Variants in SLC2A5 observed in about 807,000 individuals in gnomAD.
SLC2A5 encodes the protein solute carrier family 2, facilitated glucose transporter member 5.
In SLC2A5, 56 loss-of-function variants were observed where a neutral mutation model predicts 50.3. The ratio of observed to expected loss-of-function variants is 1.11; its 90% confidence interval spans 0.90 to 1.39. The LOEUF is 1.39. SLC2A5 is among the 40% of genes most tolerant of loss of function. The probability of loss-of-function intolerance (pLI) is 0.00; values close to 1 mark genes in which losing one functional copy is unlikely to be tolerated. For missense variants in SLC2A5, 566 were observed against 650.1 expected, an observed-to-expected ratio of 0.87 and a Z score of 1.41; for synonymous variants, 269 against 281.9, an observed-to-expected ratio of 0.95 and a Z score of 0.46.
intron 4 of SLC2A5, among the ~76,000 whole-genome samples, chr1:9,047,000 C>T (rs1046732995): frequency 1.3e-5 from 2 of 151,878 alleles, no homozygotes; most frequent in African/African-American, 2.4e-5. Flanking sequence ...TCTCTCTCGC[C>T]TGCTGCCATG....
At chr1:9,070,301 G>A (rs1336021508), upstream of SLC2A5, among the ~76,000 whole-genome samples, 1 of 151,814 alleles carries the variant, frequency 6.6e-6, no homozygotes, top group African/African-American at 2.4e-5. Flanking sequence ...GGCTGGTCTC[G>A]AACTCCTGAC....
intron 3 of SLC2A5, among the ~76,000 whole-genome samples, chr1:9,052,516 A>G (rs1641604458): frequency 6.6e-6 from 1 of 152,202 alleles, no homozygotes; most frequent in South Asian, 2.1e-4. Flanking sequence ...CATAGAATGC[A>G]CAACATCAAG....
intron 3 of SLC2A5, 133 bp downstream of exon 3, chr1:9,057,315 A>T: frequency 6.6e-6 from 3 of 456,722 alleles, no homozygotes; most frequent in Middle Eastern, 5.7e-4. Flanking sequence ...AAAAAAAAAA[A>T]GAAAGAAAAA....
intron 3 of SLC2A5, among the ~76,000 whole-genome samples, chr1:9,053,571 T>A (rs1349767238): frequency 8.5e-6 from 1 of 117,928 alleles, no homozygotes; most frequent in African/African-American, 3.2e-5. Flanking sequence ...TATATATATT[T>A]ATATATATAT....
chr1:9,041,665 C>T, intron 5 of SLC2A5, 120 bp downstream of exon 5: 1 of 1,570,954 alleles, frequency 6.4e-7, no homozygotes, highest in African/African-American at 1.3e-5. Flanking sequence ...GACATCCAGC[C>T]TGTTAGAAGA....
In SLC2A5 at chr1:9,069,509, C is replaced by T; in HGVS notation, c.28G>A (p.Glu10Lys). MEQQDQSMK[E>K]GRLTLVLALA... ...TCCCTGAGCAACACACTCACCCCTT[C>T]CTTCATGCTCTGATCCTGTTGCTCC... The change falls in exon 1 of 12, where the codon GAA becomes AAA. Residue 10 changes from glutamate (E) to lysine (K), a missense_variant. Coordinates refer to ENST00000377424, the MANE Select transcript of SLC2A5 (RefSeq NM_003039.3). 1 of 1,614,048 alleles carries T rather than the reference C, an allele frequency of 6.2e-7. No individual in the cohort carries two copies.
At chr1:9,084,816 C>T (rs1642387587) in intron 2 of SLC2A5, among the ~76,000 whole-genome samples, 1 of 152,252 alleles carries the variant, frequency 6.6e-6, no homozygotes, top group African/African-American at 2.4e-5. Flanking sequence ...AGCCCCATCA[C>T]CTGGGAGCTG....
At chr1:9,055,790 C>T (rs1026930224) in intron 3 of SLC2A5, among the ~76,000 whole-genome samples, 1 of 151,940 alleles carries the variant, frequency 6.6e-6, no homozygotes, top group Non-Finnish European at 1.5e-5. Flanking sequence ...GTGGCAGACA[C>T]CTGTAATCCC....
chr1:9,087,215 T>C (rs533835170), intron 1 of SLC2A5, among the ~76,000 whole-genome samples: 2 of 151,656 alleles, frequency 1.3e-5, no homozygotes, highest in Admixed American at 6.6e-5. Flanking sequence ...TTTCTTTTTT[T>C]TTTTTTTGAG....
intron 1 of SLC2A5, among the ~76,000 whole-genome samples, chr1:9,068,179 G>C (rs1211297143): frequency 9.9e-6 from 1 of 100,942 alleles, no homozygotes; most frequent in African/African-American, 4.8e-5. Flanking sequence ...GACAGAGCAA[G>C]ACTCTGTGTC....
intron 2 of SLC2A5, among the ~76,000 whole-genome samples, chr1:9,079,812 T>C (rs1037392014): frequency 6.6e-6 from 1 of 152,210 alleles, no homozygotes; most frequent in Non-Finnish European, 1.5e-5. Context: ...AAAAACATCA[T>C]AACATAAAAC....
At chr1:9,077,684 GCA>G (rs888968922) in intron 2 of SLC2A5, among the ~76,000 whole-genome samples, 6 of 149,420 alleles carry the variant, frequency 4.0e-5, no homozygotes, top group African/African-American at 1.5e-4. Context: ...GAACCTGGTT[GCA>G]GTGAGCCGAG....
chr1:9,067,212 G>T (rs560290708), intron 1 of SLC2A5, among the ~76,000 whole-genome samples: 1 of 152,174 alleles, frequency 6.6e-6, no homozygotes, highest in Non-Finnish European at 1.5e-5. Flanking sequence ...CATTGGGATC[G>T]CTTCCTTCAG....
intron 2 of SLC2A5, among the ~76,000 whole-genome samples, chr1:9,078,975 G>A (rs1202418669): frequency 3.3e-5 from 5 of 152,158 alleles, no homozygotes; most frequent in Admixed American, 2.6e-4. Context: ...TCTCGTCTGG[G>A]GAAGGGAGAG....
At chr1:9,093,615 C>T in the SLC2A5 span, among the ~76,000 whole-genome samples, 4 of 152,160 alleles carry the variant, frequency 2.6e-5, no homozygotes, top group Non-Finnish European at 5.9e-5. Context: ...TTTACTCTTA[C>T]CCAAATAACT....
chr1:9,053,063 T>C (rs1641620617), intron 3 of SLC2A5, among the ~76,000 whole-genome samples: 1 of 110,646 alleles, frequency 9.0e-6, no homozygotes. Context: ...ATATAATATA[T>C]ATTATATATT....
chr1:9,057,862 C>T (rs1374765125), intron 2 of SLC2A5, among the ~76,000 whole-genome samples: 3 of 152,132 alleles, frequency 2.0e-5, no homozygotes, highest in African/African-American at 7.2e-5. Flanking sequence ...TCCAATTTTC[C>T]AATCAGCTGG....
intron 4 of SLC2A5, among the ~76,000 whole-genome samples, chr1:9,043,810 C>T (rs1641367929): frequency 6.6e-6 from 1 of 151,802 alleles, no homozygotes; most frequent in African/African-American, 2.4e-5. Flanking sequence ...CAACCTCTGC[C>T]TCCCAGGTTC....
At chr1:9,067,853 G>A (rs569118010) in intron 1 of SLC2A5, among the ~76,000 whole-genome samples, 79 of 152,258 alleles carry the variant, frequency 5.2e-4, no homozygotes, top group Non-Finnish European at 8.7e-4. Context: ...TGGAAATCAC[G>A]CGGAGGTGGA....
Sources: allele counts gnomAD v4.1 joint callset (sites outside exome capture counted in the v4.1 genomes callset), GRCh38; gene constraint gnomAD v4.1.1; transcripts MANE v1.5; gene names NCBI Gene and HGNC (gene_info 2026-07-23, HGNC 2026-07-21).